Variants in DIAPH2 observed in about 807,000 individuals in gnomAD.
DIAPH2 encodes diaphanous related formin 2.
DIAPH2 carries 35 observed loss-of-function variants against 92.7 expected under a neutral mutation model. The ratio of observed to expected loss-of-function variants is 0.38; its 90% CI spans 0.29 to 0.50. DIAPH2 has a LOEUF of 0.50. DIAPH2 is among the 20% of genes least tolerant of loss of function. DIAPH2 has a pLI of 0.94. For synonymous variants in DIAPH2, 301 were observed against 280.4 expected, an observed-to-expected ratio of 1.07 and a Z score of -0.73; for missense variants, 701 against 819.5, an observed-to-expected ratio of 0.86 and a Z score of 1.77.
At chrX:97,334,886 C>T (rs1232405525) in intron 23 of DIAPH2, among the ~76,000 whole-genome samples, 1 of 105,966 alleles carries the variant, frequency 9.4e-6, no homozygotes, top group Non-Finnish European at 1.9e-5. Flanking sequence ...GAGACTGAGG[C>T]AGGAGAATCC....
intron 26 of DIAPH2, among the ~76,000 whole-genome samples, chrX:97,595,575 T>TTCCTCTCTTTCTTTCTTTCTTTC: frequency 9.1e-6 from 1 of 109,707 alleles, no homozygotes; most frequent in Non-Finnish European, 1.9e-5. Context: ...TTCTTTCTTT[T>TTCCTCTCTTTCTTTCTTTCTTTC]TCCTCTCTTT....
intron 1 of DIAPH2, among the ~76,000 whole-genome samples, chrX:96,689,631 T>C (rs2063789132): frequency 1.8e-5 from 2 of 110,281 alleles, no homozygotes; most frequent in African/African-American, 6.6e-5. Context: ...GCCACCCCTT[T>C]CTCTTTTATA....
intron 26 of DIAPH2, among the ~76,000 whole-genome samples, chrX:97,540,041 G>T (rs774340388): frequency 2.7e-5 from 3 of 111,693 alleles, no homozygotes; most frequent in Non-Finnish European, 3.8e-5. Flanking sequence ...CTTTCCAGAA[G>T]CATTAATTTA....
At chrX:96,922,482 A>G (rs929586071) in intron 9 of DIAPH2, among the ~76,000 whole-genome samples, 5 of 111,003 alleles carry the variant, frequency 4.5e-5, no homozygotes. Flanking sequence ...TCTCCCACCA[A>G]TATTATTTCA....
At chrX:97,069,172 A>G (rs2066652897) in intron 17 of DIAPH2, among the ~76,000 whole-genome samples, 1 of 110,955 alleles carries the variant, frequency 9.0e-6, no homozygotes, top group Non-Finnish European at 1.9e-5. Flanking sequence ...CATATTGGCC[A>G]GGCTGGTCTC....
At chrX:97,273,757 G>A (rs1023046345) in intron 23 of DIAPH2, among the ~76,000 whole-genome samples, 13 of 111,867 alleles carry the variant, frequency 1.2e-4, no homozygotes, top group East Asian at 2.8e-4. Context: ...GCCACCTGGG[G>A]TCTCATATAA....
chrX:96,735,839 T>A, intron 2 of DIAPH2, 49 bp downstream of exon 2: 1 of 688,306 alleles, frequency 1.5e-6, no homozygotes, highest in Non-Finnish European at 2.2e-6. Context: ...TGTTGCCTTT[T>A]AATTAAAATG....
chrX:96,912,701 T>C (rs1028938530), intron 7 of DIAPH2, 149 bp downstream of exon 7: 55 of 722,193 alleles, frequency 7.6e-5, no homozygotes, highest in Non-Finnish European at 9.5e-5. Flanking sequence ...GGTGGTTTGA[T>C]GCACAAATCG....
At chrX:97,509,950 A>G (rs1302096103) in intron 26 of DIAPH2, among the ~76,000 whole-genome samples, 1 of 110,792 alleles carries the variant, frequency 9.0e-6, no homozygotes, top group African/African-American at 3.3e-5. Flanking sequence ...GCTATTGTGA[A>G]TAGTGCCGCA....
intron 26 of DIAPH2, among the ~76,000 whole-genome samples, chrX:97,455,372 G>T (rs2070394847): frequency 8.9e-6 from 1 of 111,989 alleles, no homozygotes; most frequent in Non-Finnish European, 1.9e-5. Flanking sequence ...TTTGTAAATG[G>T]CCCAGTTATA....
At chrX:96,971,846 G>T (rs1486554137) in intron 17 of DIAPH2, among the ~76,000 whole-genome samples, 1 of 111,377 alleles carries the variant, frequency 9.0e-6, no homozygotes, top group African/African-American at 3.3e-5. Context: ...TTTCAGACAT[G>T]CACACCATAG....
At chrX:97,493,927 C>A (rs1222903742) in intron 26 of DIAPH2, among the ~76,000 whole-genome samples, 1 of 106,577 alleles carries the variant, frequency 9.4e-6, no homozygotes, top group South Asian at 4.3e-4. Flanking sequence ...AACAAAAAAA[C>A]CAGCCTGAGC....
intron 22 of DIAPH2, among the ~76,000 whole-genome samples, chrX:97,231,804 C>T (rs918472559): frequency 1.8e-5 from 2 of 110,895 alleles, no homozygotes; most frequent in Admixed American, 9.6e-5. Context: ...CTTCCACAGA[C>T]CTCTTCTCTT....
At chrX:97,510,693 G>A (rs1196593273) in intron 26 of DIAPH2, among the ~76,000 whole-genome samples, 1 of 98,701 alleles carries the variant, frequency 1.0e-5, no homozygotes, top group Non-Finnish European at 2.1e-5. Context: ...TGTTTAAGGT[G>A]TAAGGAAGGG....
At chrX:96,770,640 G>T (rs1387321917) in intron 4 of DIAPH2, among the ~76,000 whole-genome samples, 1 of 111,531 alleles carries the variant, frequency 9.0e-6, no homozygotes, top group Non-Finnish European at 1.9e-5. Flanking sequence ...AGTTGCTACT[G>T]TAAAATATTT....
intron 24 of DIAPH2, among the ~76,000 whole-genome samples, chrX:97,354,655 T>C (rs914342254): frequency 2.7e-5 from 3 of 112,783 alleles, no homozygotes; most frequent in African/African-American, 9.7e-5. Flanking sequence ...ATTATAGGCG[T>C]GGGCCACTGC....
At chrX:96,697,235 T>C (rs1005502318) in intron 1 of DIAPH2, among the ~76,000 whole-genome samples, 4 of 109,671 alleles carry the variant, frequency 3.6e-5, no homozygotes, top group Non-Finnish European at 7.6e-5. Context: ...GCAGATTGCC[T>C]CCTTCATCAG....
chrX:96,935,596 TAAAG>T (rs1237104064), intron 10 of DIAPH2, among the ~76,000 whole-genome samples: 1 of 111,295 alleles, frequency 9.0e-6, no homozygotes. Flanking sequence ...GCATTATTAA[TAAAG>T]AATATTTATA....
At chrX:97,242,295 C>T (rs2068102224) in intron 22 of DIAPH2, among the ~76,000 whole-genome samples, 1 of 111,048 alleles carries the variant, frequency 9.0e-6, no homozygotes, top group Admixed American at 9.6e-5. Context: ...AACAATTTCA[C>T]CAATGAAGGA....
Sources: gnomAD v4.1 joint callset for allele counts (sites outside exome capture counted in the v4.1 genomes callset) on GRCh38, gnomAD v4.1.1 for gene constraint, MANE v1.5 for transcripts, NCBI Gene and HGNC (gene_info 2026-07-23, HGNC 2026-07-21) for gene names.